GABRR1: variants seen among roughly 807,000 people sequenced by gnomAD.
GABRR1 encodes gamma-aminobutyric acid type A receptor subunit rho1, also known as gamma-aminobutyric acid receptor subunit rho-1.
Under a neutral mutation model 55.5 loss-of-function variants are expected in GABRR1, and 59 were observed. The ratio of observed to expected loss-of-function variants is 1.06; its 90% CI spans 0.86 to 1.32. The LOEUF is 1.32. Ranked by LOEUF, GABRR1 falls within the 40% of genes most tolerant of loss-of-function variation. The pLI is 0.00. For synonymous variants in GABRR1, 213 were observed against 226.0 expected (o/e 0.94, Z 0.51); for missense variants, 602 against 619.1 (o/e 0.97, Z 0.29).
At chr6:89,212,886 G>A (rs1478471240) in intron 1 of GABRR1, among the ~76,000 whole-genome samples, 1 of 152,060 alleles carries the variant, frequency 6.6e-6, no homozygotes. Flanking sequence ...TCCCCAGGCT[G>A]GTCTTGAACT....
rs1019367942 is a variant in GABRR1, at chr6:89,229,233, CTT to C, written c.-411+1981_-411+1982del. Among the ~76,000 whole-genome samples the C allele has an allele frequency of 2.9e-3, 440 of 152,014 alleles. 2 individuals are homozygous for C. The highest frequency in any genetic ancestry group is 0.01 in the African/African-American group (425 of 41,480). On this transcript the variant is annotated intron_variant, in intron 1 of 11. Transcript: ENST00000369451. ...CTTTATCCAATTTGCCAGTCTGTGTCTTTTAATTGGAGCATTTAGGCCATTTA... is the reference window on the plus strand; with the variant it reads ...CTTTATCCAATTTGCCAGTCTGTGTCTTAATTGGAGCATTTAGGCCATTTA...
At chr6:89,180,999 A>T (rs1242755779) in intron 8 of GABRR1, among the ~76,000 whole-genome samples, 1 of 152,218 alleles carries the variant, frequency 6.6e-6, no homozygotes, top group Non-Finnish European at 1.5e-5. Flanking sequence ...CTAGCTGCCC[A>T]TTCAGCATTG....
chr6:89,214,985 CTG>C (rs1178002071), intron 1 of GABRR1, among the ~76,000 whole-genome samples: 1 of 152,180 alleles, frequency 6.6e-6, no homozygotes, highest in East Asian at 1.9e-4. Flanking sequence ...GGGCAAGACT[CTG>C]TCTCTAAAAC....
At chr6:89,219,271 A>T (rs1274271268), upstream of GABRR1, among the ~76,000 whole-genome samples, 1 of 152,228 alleles carries the variant, frequency 6.6e-6, no homozygotes, top group Non-Finnish European at 1.5e-5. Context: ...CCGTCCCAAA[A>T]AAAGAAAAGA....
At chr6:89,187,614 GCCTCAT>G (rs1441262792) in intron 6 of GABRR1, among the ~76,000 whole-genome samples, 1 of 151,948 alleles carries the variant, frequency 6.6e-6, no homozygotes, top group Non-Finnish European at 1.5e-5. Flanking sequence ...TAACAATAAC[GCCTCAT>G]CCCTGTTTCC....
chr6:89,192,247 G>A (rs953245205), intron 5 of GABRR1, among the ~76,000 whole-genome samples: 18 of 151,984 alleles, frequency 1.2e-4, no homozygotes, highest in Non-Finnish European at 1.9e-4. Context: ...ACGACTGGGC[G>A]CCTCCACACT....
intron 3 of GABRR1, among the ~76,000 whole-genome samples, chr6:89,200,778 CTGT>C (rs1772445888): frequency 6.6e-6 from 1 of 152,200 alleles, no homozygotes; most frequent in Non-Finnish European, 1.5e-5. Flanking sequence ...ACCCTGAACT[CTGT>C]CTGCCAGCTC....
At chr6:89,226,617 G>A (rs1269124036) in intron 1 of GABRR1, among the ~76,000 whole-genome samples, 1 of 109,048 alleles carries the variant, frequency 9.2e-6, no homozygotes, top group African/African-American at 3.6e-5. Context: ...CTGTTCCATG[G>A]ATCTATATCT....
Position 89,190,269 on chromosome 6 carries a change from T to G in GABRR1, c.573-22A>C, listed in dbSNP as rs375085192. ...AACCCTAGGGCCAAAAAGACAAAAT[T>G]GATTTATTCAGAGCCTGCAAAAGAC... On this transcript the variant is annotated intron_variant, in intron 5 of 9. Transcript: ENST00000454853. The G allele has an allele frequency of 4.4e-6, 7 of 1,576,468 alleles. No homozygotes were observed. The African/African-American group carries it at 8.2e-5, about 18-fold the overall frequency.
At chr6:89,195,773 T>C (rs939949812) in intron 5 of GABRR1, among the ~76,000 whole-genome samples, 8 of 152,232 alleles carry the variant, frequency 5.3e-5, no homozygotes, top group Non-Finnish European at 1.0e-4. Context: ...ATTGCATCTG[T>C]ATGGTGGAAA....
intron 1 of GABRR1, among the ~76,000 whole-genome samples, chr6:89,216,402 C>A (rs1772982262): frequency 6.6e-6 from 1 of 152,224 alleles, no homozygotes; most frequent in African/African-American, 2.4e-5. Flanking sequence ...ATCAACAACG[C>A]CCTACTGTCT....
rs964401673 is a variant in GABRR1, at chr6:89,198,027, T to C, written c.565A>G (p.Ser189Gly). 5 of 1,613,360 alleles carry C rather than the reference T, an allele frequency of 3.1e-6. No homozygotes were observed. The highest frequency in any genetic ancestry group is 1.3e-5 in the African/African-American group (1 of 75,032). Residue 189 changes from serine (S) to glycine (G), a missense_variant, in exon 5 of 10, where the codon AGT becomes GGT. Coordinates refer to ENST00000454853, the MANE Select transcript of GABRR1 (RefSeq NM_002042.5). ...RVQPDGKVLY[S>G]LRVTVTAMCN... ...ATCTGCCTTTCTTCCTACCTGAGAC[T>C]ATAGAGCACTTTCCCATCAGGCTGG...
chr6:89,189,585 G>A (rs9344912), intron 6 of GABRR1, among the ~76,000 whole-genome samples: 24,726 of 142,000 alleles, frequency 0.17, 2,338 homozygotes, highest in Admixed American at 0.25. Flanking sequence ...TGGGTGCAGC[G>A]CACCAGCATG....
intron 1 of GABRR1, among the ~76,000 whole-genome samples, chr6:89,207,516 A>G (rs1418795409): frequency 6.6e-6 from 1 of 152,158 alleles, no homozygotes; most frequent in East Asian, 1.9e-4. Flanking sequence ...ATGTTAATAA[A>G]CAATTATGAT....
Position 89,213,025 on chromosome 6 carries a change from T to C in GABRR1, c.122+4176A>G, listed in dbSNP as rs143319679. On this transcript the variant is annotated intron_variant, in intron 1 of 9. Transcript: ENST00000454853. ...ATTGCCCAGTGCCCTGGCATTCTGA[T>C]CTTGATTCTGCATGATTGGTGAAGA... Among the ~76,000 whole-genome samples, 137 of 152,274 alleles carry C rather than the reference T, an allele frequency of 9.0e-4. 2 individuals are homozygous for C. The highest frequency in any genetic ancestry group is 3.4e-3 in the Middle Eastern group (1 of 294).
At chr6:89,182,098 C>A in intron 7 of GABRR1, 41 bp from the exon 8 acceptor site, 1 of 1,602,464 alleles carries the variant, frequency 6.2e-7, no homozygotes, top group South Asian at 1.1e-5. Context: ...CATCATGGCT[C>A]CTTCATAAAA....
intron 6 of GABRR1, among the ~76,000 whole-genome samples, chr6:89,189,514 G>A (rs552231393): frequency 0.012 from 1,430 of 114,872 alleles, 16 homozygotes; most frequent in South Asian, 0.035. Context: ...ACTGTGGTGG[G>A]GTGGGGGGAG....
At chr6:89,187,156 G>A (rs1338989743) in intron 6 of GABRR1, among the ~76,000 whole-genome samples, 1 of 152,106 alleles carries the variant, frequency 6.6e-6, no homozygotes, top group Non-Finnish European at 1.5e-5. Flanking sequence ...GATGCATGTG[G>A]ATCATTTTAT....
Position 89,178,702 on chromosome 6 carries a change from T to G in GABRR1, c.*68A>C. 1 of 1,395,186 alleles carries G rather than the reference T, an allele frequency of 7.2e-7. No homozygotes were observed. Among genetic ancestry groups the G allele is most frequent in the African/African-American group, 1.4e-5 (1 of 69,940 alleles). 86.4% of individuals were successfully genotyped at this position (1,395,186 alleles called of 1,614,324 possible). A position where few individuals can be genotyped will look rare whatever the true frequency, so the allele number is the denominator to read the frequency against. On this transcript the variant is annotated 3_prime_UTR_variant, in exon 10 of 10. Coordinates refer to ENST00000454853, the MANE Select transcript of GABRR1 (RefSeq NM_002042.5). ...TTTTTTTAACCATATCCTTAAATAC[T>G]TTTTCATTATACAGTTATTTCTGTA... is the stretch of plus-strand genomic sequence containing the variant.
Sources: gnomAD v4.1 joint callset for allele counts (sites outside exome capture counted in the v4.1 genomes callset) on GRCh38, gnomAD v4.1.1 for gene constraint, MANE v1.5 for transcripts, NCBI Gene and HGNC (gene_info 2026-07-23, HGNC 2026-07-21) for gene names.